FAM135B: variants seen among roughly 807,000 people sequenced by gnomAD.
FAM135B encodes the protein family with sequence similarity 135 member B, also known as protein FAM135B.
A neutral mutation model predicts 127.7 loss-of-function variants in FAM135B; 43 were observed. The ratio of observed to expected loss-of-function variants is 0.34; its 90% CI spans 0.26 to 0.43. The LOEUF (loss-of-function observed/expected upper bound fraction) is 0.43. FAM135B is among the 20% of genes least tolerant of loss of function. The pLI, the probability that FAM135B is intolerant of heterozygous loss-of-function variation, is 1.00. For missense variants in FAM135B, 1,558 were observed against 1,725.6 expected, an observed-to-expected ratio of 0.90 and a Z score of 1.72; for synonymous variants, 670 against 665.1, an observed-to-expected ratio of 1.01 and a Z score of -0.11.
At position 138,367,949 on chromosome 8, in the gene FAM135B, A is replaced by G. The variant is rs773432227; in HGVS notation, c.35T>C (p.Val12Ala). 6.2e-7 allele frequency: 1 copy of G among 1,613,900 alleles called. No individual in the cohort carries two copies. Among genetic ancestry groups the G allele is most frequent in the Admixed American group, 1.7e-5 (1 of 60,026 alleles). ...SEIQGTVEFS[V>A]ELHKFYNVDL... Reference sequence around the variant, plus strand: ...CACATTATAAAATTTATGTAGCTCTACCGAAAACTCAACCGTTCCTTGTAT... The same window carrying G: ...CACATTATAAAATTTATGTAGCTCTGCCGAAAACTCAACCGTTCCTTGTAT... The change falls in exon 2 of 20, where the codon GTA becomes GCA. Residue 12 changes from valine (V) to alanine (A), a missense_variant. Physicochemically the swap from Val to Ala is moderately conservative, Grantham distance 64. Transcript: ENST00000395297.
intron 3 of FAM135B, among the ~76,000 whole-genome samples, chr8:138,289,331 A>T (rs1310263436): frequency 6.6e-6 from 1 of 152,050 alleles, no homozygotes; most frequent in Non-Finnish European, 1.5e-5. Context: ...GCCCCTCAGA[A>T]TTGTTGAAGG....
At chr8:138,188,150 C>A (rs947836104) in intron 9 of FAM135B, among the ~76,000 whole-genome samples, 1 of 152,178 alleles carries the variant, frequency 6.6e-6, no homozygotes, top group Admixed American at 6.5e-5. Context: ...CCCTGTGGAA[C>A]TCTTCATCTG....
intron 1 of FAM135B, among the ~76,000 whole-genome samples, chr8:138,481,595 C>G (rs2131681471): frequency 6.6e-6 from 1 of 152,362 alleles, no homozygotes; most frequent in Non-Finnish European, 1.5e-5. Context: ...TCCTGGGAGT[C>G]TAGCCCTTCA....
chr8:138,472,771 A>C, intron 1 of FAM135B, among the ~76,000 whole-genome samples: 1 of 152,146 alleles, frequency 6.6e-6, no homozygotes, highest in South Asian at 2.1e-4. Context: ...AGCCTCAGCG[A>C]GGGGAGTCCC....
intron 2 of FAM135B, among the ~76,000 whole-genome samples, chr8:138,316,923 T>G (rs1334960737): frequency 6.7e-6 from 1 of 150,200 alleles, no homozygotes; most frequent in Non-Finnish European, 1.5e-5. Context: ...GAGCTTGCAG[T>G]GAGCCGTGAC....
intron 1 of FAM135B, among the ~76,000 whole-genome samples, chr8:138,395,546 T>G (rs1832801631): frequency 6.6e-6 from 1 of 152,174 alleles, no homozygotes; most frequent in Non-Finnish European, 1.5e-5. Context: ...ATTACAGATT[T>G]GCAACTGTGC....
intron 2 of FAM135B, among the ~76,000 whole-genome samples, chr8:138,316,232 C>T (rs12544407): frequency 0.17 from 26,144 of 152,198 alleles, 2,799 homozygotes; most frequent in Non-Finnish European, 0.24. Context: ...TGAGGCCGGG[C>T]GCGGTGGCTC....
rs866354627 is a variant in FAM135B at position 138,143,077 on chromosome 8, C to T, written c.3573G>A (p.Thr1191=). ...GAATGATTTCATCCAATAACCGATC[C>T]GTCATAGTATCAAAATCTGCAAATG... is the stretch of plus-strand genomic sequence containing the variant. ...MDTFADFDTM[T]DRLLDEIIQH... Residue 1191 remains threonine, a synonymous_variant, in exon 16 of 20, where the codon ACG becomes ACA. Transcript: ENST00000395297. 7.5e-6 allele frequency: 12 copies of T among 1,608,870 alleles called. No homozygotes were observed. Among genetic ancestry groups the T allele is most frequent in the Middle Eastern group, 1.6e-4 (1 of 6,074 alleles).
At chr8:138,420,430 C>A (rs904609854) in intron 1 of FAM135B, among the ~76,000 whole-genome samples, 1 of 152,032 alleles carries the variant, frequency 6.6e-6, no homozygotes, top group South Asian at 2.1e-4. Flanking sequence ...ATAGACAGTA[C>A]AGGTGACACC....
chr8:138,354,089 C>G (rs1829939129), intron 2 of FAM135B, among the ~76,000 whole-genome samples: 1 of 152,006 alleles, frequency 6.6e-6, no homozygotes. Context: ...TCCTTCTGAG[C>G]TACCTTCACC....
At chr8:138,463,788 A>G (rs1417833003) in intron 1 of FAM135B, among the ~76,000 whole-genome samples, 2 of 152,172 alleles carry the variant, frequency 1.3e-5, no homozygotes, top group Non-Finnish European at 2.9e-5. Context: ...GGAGGCTTGA[A>G]CTTGACCCCT....
At chr8:138,214,788 A>G (rs1818422458) in intron 7 of FAM135B, among the ~76,000 whole-genome samples, 1 of 152,172 alleles carries the variant, frequency 6.6e-6, no homozygotes, top group Admixed American at 6.5e-5. Flanking sequence ...AAGCAGTATG[A>G]AGGTCTCTCT....
At chr8:138,368,079 A>G in intron 1 of FAM135B, 77 bp from the exon 2 acceptor site, 1 of 939,764 alleles carries the variant, frequency 1.1e-6, no homozygotes, top group Admixed American at 1.8e-5. Flanking sequence ...ACAACAGGAA[A>G]CCAATCTGAC....
chr8:138,337,005 A>G (rs1273871144), intron 2 of FAM135B, among the ~76,000 whole-genome samples: 1 of 152,224 alleles, frequency 6.6e-6, no homozygotes, highest in Admixed American at 6.5e-5. Context: ...AAAGACAAAA[A>G]CCATATGATT....
intron 1 of FAM135B, among the ~76,000 whole-genome samples, chr8:138,393,094 T>A (rs1204823264): frequency 4.6e-5 from 7 of 152,154 alleles, no homozygotes; most frequent in Non-Finnish European, 1.0e-4. Flanking sequence ...GCAGAAAACC[T>A]CTGCCTTATA....
chr8:138,462,267 A>C (rs1837169612), intron 1 of FAM135B, among the ~76,000 whole-genome samples: 1 of 152,086 alleles, frequency 6.6e-6, no homozygotes, highest in Admixed American at 6.5e-5. Context: ...ACCAAAGGCC[A>C]TTTGGGGACA....
At chr8:138,186,133 A>G (rs560019955) in intron 9 of FAM135B, among the ~76,000 whole-genome samples, 1 of 152,218 alleles carries the variant, frequency 6.6e-6, no homozygotes, top group South Asian at 2.1e-4. Context: ...CCCAGGCAAG[A>G]TAAGGTGCCC....
At chr8:138,157,825 C>T (rs1818923600) in intron 12 of FAM135B, among the ~76,000 whole-genome samples, 1 of 152,186 alleles carries the variant, frequency 6.6e-6, no homozygotes, top group Non-Finnish European at 1.5e-5. Flanking sequence ...AAGAACATTC[C>T]ATGCTCATGG....
Position 138,132,471 on chromosome 8 carries a change from A to G in FAM135B, c.*122T>C. 1.3e-6 allele frequency: 1 copy of G among 788,298 alleles called. No homozygotes were observed. Among genetic ancestry groups the G allele is most frequent in the Admixed American group, 2.2e-5 (1 of 45,344 alleles). 48.8% of individuals were successfully genotyped at this position (788,298 alleles called of 1,614,324 possible). A position where few individuals can be genotyped will look rare whatever the true frequency, so the allele number is the denominator to read the frequency against. ...CACCTCTCATGTCAGGTTCCACCCG[A>G]GCCTCCGTCCCCCAATGCTGTTGAA... On this transcript the variant is annotated 3_prime_UTR_variant, in exon 20 of 20. Coordinates refer to ENST00000395297, the MANE Select transcript of FAM135B (RefSeq NM_015912.4). This position sits in a 1 kb window ranked among gnomAD's most constrained non-coding sequence, Gnocchi z 4.5.
Sources: allele counts gnomAD v4.1 joint callset (sites outside exome capture counted in the v4.1 genomes callset), GRCh38; gene constraint gnomAD v4.1.1; non-coding constraint Gnocchi (gnomAD v3.1); transcripts MANE v1.5; gene names NCBI Gene and HGNC (gene_info 2026-07-23, HGNC 2026-07-21).